Variants in IL34 observed in about 807,000 individuals in gnomAD.
IL34 encodes the protein interleukin-34.
Under a neutral mutation model 25.3 loss-of-function variants are expected in IL34, and 17 were observed. The ratio of observed to expected loss-of-function variants is 0.67; its 90% CI spans 0.46 to 1.01. IL34 has a LOEUF of 1.01. Among genes scored for constraint, IL34 ranks in the 50% least tolerant of loss-of-function variants. The probability of loss-of-function intolerance (pLI) is 0.00; values close to 1 mark genes in which losing one functional copy is unlikely to be tolerated. For synonymous variants in IL34, 174 were observed against 140.9 expected (o/e 1.23, Z -1.66); for missense variants, 368 against 312.9 (o/e 1.18, Z -1.33).
chr16:70,583,480 G>C (rs138199720), intron 1 of IL34, among the ~76,000 whole-genome samples: 16 of 152,154 alleles, frequency 1.1e-4, no homozygotes, highest in African/African-American at 3.6e-4. Flanking sequence ...AGCTGATGTT[G>C]TTGGTGGCCT....
At chr16:70,600,003 G>A (rs1418182494) in intron 1 of IL34, among the ~76,000 whole-genome samples, 3 of 152,026 alleles carry the variant, frequency 2.0e-5, no homozygotes, top group Non-Finnish European at 4.4e-5. Context: ...AAGTCCCTCT[G>A]TAGTCTGGCC....
chr16:70,612,321 C>A (rs946288633), intron 1 of IL34, among the ~76,000 whole-genome samples: 1 of 141,366 alleles, frequency 7.1e-6, no homozygotes, highest in Admixed American at 7.0e-5. Context: ...GCACTGGGGG[C>A]TGGGGGCTGG....
intron 3 of IL34, 30 bp downstream of exon 3, chr16:70,656,709 C>G (rs766134081): frequency 9.2e-7 from 1 of 1,086,420 alleles, no homozygotes; most frequent in African/African-American, 1.5e-5. Flanking sequence ...CTGGGGGGAC[C>G]CTGCCTCCTG....
chr16:70,613,876 G>GAAA (rs796663213), intron 1 of IL34, among the ~76,000 whole-genome samples: 1 of 128,388 alleles, frequency 7.8e-6, no homozygotes, highest in Non-Finnish European at 1.7e-5. Flanking sequence ...TCTGTCTCAG[G>GAAA]AAAAAAAAAA....
Position 70,635,422 on chromosome 16 carries a change from G to T in IL34, c.-400-11126G>T, listed in dbSNP as rs961635368. On this transcript the variant is annotated intron_variant, in intron 1 of 6. Transcript: ENST00000429149. ...CCTGCTGCTCTCAGGAAGCACAAAG[G>T]CCTGTTGGAGGCCCTTTGTCTACTG... Among the ~76,000 whole-genome samples, 6 of 152,296 alleles carry T rather than the reference G, an allele frequency of 3.9e-5. No homozygotes were observed. In the South Asian group the frequency reaches 6.2e-4, roughly 16 times the overall value.
chr16:70,655,548 C>T (rs564720542), intron 2 of IL34, among the ~76,000 whole-genome samples: 1 of 151,670 alleles, frequency 6.6e-6, no homozygotes, highest in Non-Finnish European at 1.5e-5. Flanking sequence ...CCACCATGCC[C>T]AGCTAATTAA....
rs531759578 is a variant in IL34, at chr16:70,585,133, G to A, written c.-401+5084G>A. Among the ~76,000 whole-genome samples the A allele has an allele frequency of 1.2e-4, 18 of 152,156 alleles. No individual in the cohort carries two copies. In the South Asian group the frequency reaches 1.7e-3, roughly 14 times the overall value. ...CCCATTTCCCTACCCCCAACCTCTG[G>A]GCACCACCTTTCAGATGTCTGTCTC... On this transcript the variant is annotated intron_variant, in intron 1 of 6. Coordinates refer to the IL34 transcript ENST00000429149.
chr16:70,636,585 T>TCACACACACACACACACA (rs34816911), intron 1 of IL34, among the ~76,000 whole-genome samples: 2 of 136,384 alleles, frequency 1.5e-5, no homozygotes, highest in Admixed American at 7.6e-5. Flanking sequence ...GCAAACCCTG[T>TCACACACACACACACACA]CACACACACA....
intron 1 of IL34, 42 bp from the exon 2 acceptor site, chr16:70,654,496 G>A (rs2052161469): frequency 1.9e-6 from 3 of 1,564,574 alleles, no homozygotes; most frequent in African/African-American, 2.7e-5. Context: ...GCGTGGATGA[G>A]ATGGAGGGTG....
chr16:70,621,756 A>T (rs1409183639), intron 1 of IL34, among the ~76,000 whole-genome samples: 1 of 152,062 alleles, frequency 6.6e-6, no homozygotes, highest in Non-Finnish European at 1.5e-5. Context: ...GGATTTGGGT[A>T]GGTAAAGGAA....
chr16:70,588,527 A>C (rs1395539940), intron 1 of IL34, among the ~76,000 whole-genome samples: 2 of 152,096 alleles, frequency 1.3e-5, no homozygotes, highest in Non-Finnish European at 2.9e-5. Flanking sequence ...TAGAATCACC[A>C]TACAATCCAG....
intron 1 of IL34, among the ~76,000 whole-genome samples, chr16:70,597,498 A>T (rs1425922052): frequency 6.6e-6 from 1 of 152,112 alleles, no homozygotes; most frequent in Non-Finnish European, 1.5e-5. Flanking sequence ...TAGGGTTAAA[A>T]GTGCTGGGGT....
intron 1 of IL34, among the ~76,000 whole-genome samples, chr16:70,590,610 A>C (rs755041859): frequency 2.0e-5 from 3 of 152,152 alleles, no homozygotes; most frequent in Non-Finnish European, 2.9e-5. Context: ...TGCTGTTTTC[A>C]CTGGGCCAGG....
chr16:70,656,822 C>T, intron 3 of IL34, 138 bp from the exon 4 acceptor site: 1 of 1,107,128 alleles, frequency 9.0e-7, no homozygotes, highest in South Asian at 1.3e-5. Context: ...GGCCCTTGGC[C>T]CAGGCACATG....
chr16:70,646,498 G>A (rs1308947680), upstream of IL34: 2 of 170,886 alleles, frequency 1.2e-5, no homozygotes, highest in Non-Finnish European at 2.5e-5. Context: ...ATGGCTGAGT[G>A]GCAGCGCTGC....
intron 1 of IL34, among the ~76,000 whole-genome samples, chr16:70,595,752 C>T (rs2050813117): frequency 6.6e-6 from 1 of 152,118 alleles, no homozygotes; most frequent in Non-Finnish European, 1.5e-5. Context: ...TGGCTCATGC[C>T]TGTAATCCCA....
chr16:70,645,061 A>C (rs2051891173), upstream of IL34, among the ~76,000 whole-genome samples: 1 of 145,716 alleles, frequency 6.9e-6, no homozygotes, highest in Non-Finnish European at 1.5e-5. Flanking sequence ...GAGGAAGAGA[A>C]GGAAGGAGAA....
chr16:70,619,938 T>G (rs943726343), intron 1 of IL34, among the ~76,000 whole-genome samples: 2 of 152,096 alleles, frequency 1.3e-5, no homozygotes, highest in Non-Finnish European at 2.9e-5. Flanking sequence ...CAAGCTCCTG[T>G]GGGAGGAGGT....
At chr16:70,641,585 A>G (rs1271681764), upstream of IL34, among the ~76,000 whole-genome samples, 1 of 110,132 alleles carries the variant, frequency 9.1e-6, no homozygotes, top group Non-Finnish European at 1.7e-5. Context: ...TTACTTTTTG[A>G]GATGGAATCT....
Sources: gnomAD v4.1 joint callset for allele counts (sites outside exome capture counted in the v4.1 genomes callset) on GRCh38, gnomAD v4.1.1 for gene constraint, MANE v1.5 for transcripts, NCBI Gene and HGNC (gene_info 2026-07-23, HGNC 2026-07-21) for gene names.